Variants in NCOR2 observed in about 807,000 individuals in gnomAD.
The protein encoded by NCOR2 is nuclear receptor corepressor 2, also known as CTG repeat protein 26.
In NCOR2, 81 loss-of-function variants were observed where a neutral mutation model predicts 262.9. That is an observed-to-expected ratio of 0.31 (90% confidence interval 0.26 to 0.37). NCOR2 has a LOEUF of 0.37. NCOR2 is among the 10% of genes least tolerant of loss of function. The pLI is 1.00. For missense variants in NCOR2, 3,385 were observed against 3,621.4 expected (o/e 0.93, Z 1.68); for synonymous variants, 1,659 against 1,559.3 (o/e 1.06, Z -1.51).
rs540018110 is a variant in NCOR2, at chr12:124,453,292, C to T, written c.763-3425G>A. On this transcript the variant is annotated intron_variant, in intron 6 of 46. Transcript: ENST00000405201. ...ATGGCTGGCCCCTGTCCCTCACCCC[C>T]AGGCCTTATCCTCCCGGGAGAAATG... 9.2e-5 allele frequency among the ~76,000 whole-genome samples: 14 copies of T among 152,330 alleles called. No homozygotes were observed. In the East Asian group the frequency reaches 2.7e-3, roughly 29 times the overall value.
At chr12:124,397,383 G>A (rs1472005959) in intron 16 of NCOR2, among the ~76,000 whole-genome samples, 1 of 152,216 alleles carries the variant, frequency 6.6e-6, no homozygotes, top group Non-Finnish European at 1.5e-5. Flanking sequence ...TCACTGTGCT[G>A]GGAAGTAAAG....
At chr12:124,422,821 C>T (rs373586742) in intron 11 of NCOR2, among the ~76,000 whole-genome samples, 26 of 152,224 alleles carry the variant, frequency 1.7e-4, no homozygotes, top group African/African-American at 4.6e-4. Flanking sequence ...CTGCTGGAGG[C>T]GGCTTCCAGG....
chr12:124,416,795 G>A (rs3825129), intron 13 of NCOR2, among the ~76,000 whole-genome samples: 8 of 145,062 alleles, frequency 5.5e-5, no homozygotes, highest in Admixed American at 4.1e-4. Flanking sequence ...CCGTGGCACA[G>A]GGAGACCCCG....
chr12:124,388,282 G>A (rs967822685), intron 16 of NCOR2, among the ~76,000 whole-genome samples: 1 of 152,164 alleles, frequency 6.6e-6, no homozygotes, highest in African/African-American at 2.4e-5. Context: ...TGCGGGGTAG[G>A]GGCAGGCTGG....
intron 5 of NCOR2, among the ~76,000 whole-genome samples, chr12:124,460,457 T>A (rs2046106659): frequency 6.6e-6 from 1 of 152,200 alleles, no homozygotes. Context: ...CAAGCTGCTA[T>A]CGTCCAGCAG....
chr12:124,564,698 C>T (rs1295257745), intron 1 of NCOR2, among the ~76,000 whole-genome samples: 1 of 152,118 alleles, frequency 6.6e-6, no homozygotes, highest in East Asian at 1.9e-4. Context: ...GTACCACCCC[C>T]GCCTCCCATC....
intron 1 of NCOR2, among the ~76,000 whole-genome samples, chr12:124,543,328 C>A (rs899171690): frequency 6.6e-6 from 1 of 152,206 alleles, no homozygotes; most frequent in African/African-American, 2.4e-5. Flanking sequence ...TGGGGAGGAG[C>A]CGCTGCAAAA....
chr12:124,496,235 AC>A, upstream of NCOR2, among the ~76,000 whole-genome samples: 2 of 129,654 alleles, frequency 1.5e-5, no homozygotes, highest in South Asian at 5.0e-4. The surrounding 1 kb of genome is among the most constrained non-coding windows in gnomAD (Gnocchi z 4.4). Context: ...AGCACCCCCC[AC>A]CCCCAACAAG....
intron 13 of NCOR2, among the ~76,000 whole-genome samples, chr12:124,409,566 C>T (rs963978904): frequency 9.9e-5 from 15 of 152,200 alleles, no homozygotes; most frequent in African/African-American, 2.4e-4. Context: ...GATTGACTTA[C>T]GCATGGTCCA....
At chr12:124,377,273 G>A (rs1012209450) in intron 18 of NCOR2, among the ~76,000 whole-genome samples, 1 of 152,150 alleles carries the variant, frequency 6.6e-6, no homozygotes. Context: ...CACTCACCTG[G>A]TGGGGCATTT....
At chr12:124,417,213 G>A (rs1352869624) in intron 13 of NCOR2, among the ~76,000 whole-genome samples, 32 of 149,880 alleles carry the variant, frequency 2.1e-4, no homozygotes, top group African/African-American at 6.2e-4. Context: ...CGGACAGCAG[G>A]CCGGACACTC....
chr12:124,360,625 C>T (rs1288927451), intron 22 of NCOR2, among the ~76,000 whole-genome samples: 1 of 152,208 alleles, frequency 6.6e-6, no homozygotes, highest in Non-Finnish European at 1.5e-5. Context: ...AGGCCCCACA[C>T]AATCCGGTCC....
At chr12:124,372,735 C>G in intron 19 of NCOR2, 125 bp from the exon 22 acceptor site, 1 of 811,608 alleles carries the variant, frequency 1.2e-6, no homozygotes. Flanking sequence ...CCCGAGGCTC[C>G]TACACACCTG....
intron 1 of NCOR2, among the ~76,000 whole-genome samples, chr12:124,532,267 C>T (rs1001958323): frequency 6.6e-6 from 1 of 152,152 alleles, no homozygotes; most frequent in South Asian, 2.1e-4. Flanking sequence ...GGCTGCACCC[C>T]CCACCCACCC....
intron 1 of NCOR2, among the ~76,000 whole-genome samples, chr12:124,553,139 C>T (rs1376824418): frequency 6.6e-6 from 1 of 152,184 alleles, no homozygotes; most frequent in Non-Finnish European, 1.5e-5. Context: ...GCTGCCTGCA[C>T]TCCTTGGCTA....
chr12:124,357,693 TTGTC>T (rs537858713), intron 22 of NCOR2, among the ~76,000 whole-genome samples: 235 of 152,390 alleles, frequency 1.5e-3, no homozygotes, highest in African/African-American at 5.2e-3. Context: ...GCAACAGAGA[TTGTC>T]TGGCCCACAA....
chr12:124,358,039 T>G (rs1160308474), intron 22 of NCOR2, among the ~76,000 whole-genome samples: 1 of 144,904 alleles, frequency 6.9e-6, no homozygotes, highest in Non-Finnish European at 1.5e-5. Flanking sequence ...TGTGAGTGCA[T>G]GGATGTGTGT....
upstream of NCOR2, among the ~76,000 whole-genome samples, chr12:124,499,795 A>T (rs1243000): frequency 1.3e-5 from 2 of 151,828 alleles, no homozygotes; most frequent in African/African-American, 2.4e-5. Flanking sequence ...GTTGCGGGGG[A>T]GAGTAAAGGG....
intron 22 of NCOR2, among the ~76,000 whole-genome samples, chr12:124,360,257 C>T (rs1040046949): frequency 2.6e-5 from 4 of 152,244 alleles, no homozygotes; most frequent in Non-Finnish European, 5.9e-5. Context: ...TGTACCCTGG[C>T]CCCAGGTAGC....
Sources: gnomAD v4.1 joint callset for allele counts (sites outside exome capture counted in the v4.1 genomes callset) on GRCh38, gnomAD v4.1.1 for gene constraint, Gnocchi (gnomAD v3.1) non-coding constraint, MANE v1.5 for transcripts, NCBI Gene and HGNC (gene_info 2026-07-23, HGNC 2026-07-21) for gene names.